Variants in PIK3R4 observed in about 807,000 individuals in gnomAD.
The protein encoded by PIK3R4 is phosphoinositide 3-kinase regulatory subunit 4.
A neutral mutation model predicts 136.5 loss-of-function variants in PIK3R4; 46 were observed. The observed-to-expected ratio is 0.34, with a 90% confidence interval of 0.27 to 0.43. The LOEUF is 0.43. PIK3R4 is among the 20% of genes least tolerant of loss of function. The pLI is 1.00. For missense variants in PIK3R4, 1,331 were observed against 1,649.5 expected (o/e 0.81, Z 3.35); for synonymous variants, 557 against 566.7 (o/e 0.98, Z 0.24).
At position 130,698,566 on chromosome 3, in the gene PIK3R4, T is replaced by A. The variant is rs182869682; in HGVS notation, c.3098+5157A>T. 1.6e-3 allele frequency among the ~76,000 whole-genome samples: 251 copies of A among 152,326 alleles called. 1 individual carries two copies. Among genetic ancestry groups the A allele is most frequent in the Non-Finnish European group, 3.0e-3 (205 of 68,022 alleles). On this transcript the variant is annotated intron_variant, in intron 13 of 19. Coordinates refer to ENST00000356763, the MANE Select transcript of PIK3R4 (RefSeq NM_014602.3). ...GATTTCTATCTCTTTATTGATATTG[T>A]CTATTTGGTTAGACACTGTTCTCAT...
intron 13 of PIK3R4, among the ~76,000 whole-genome samples, chr3:130,696,144 C>T (rs1006357097): frequency 3.9e-5 from 6 of 151,920 alleles, no homozygotes; most frequent in Admixed American, 1.3e-4. Flanking sequence ...CCTTCAATTC[C>T]TGTTTTTAGT....
intron 6 of PIK3R4, among the ~76,000 whole-genome samples, chr3:130,725,044 A>C (rs2107616237): frequency 6.6e-6 from 1 of 152,150 alleles, no homozygotes; most frequent in African/African-American, 2.4e-5. Context: ...ATGATTAAAA[A>C]ATTATGTTAT....
intron 9 of PIK3R4, among the ~76,000 whole-genome samples, chr3:130,715,013 G>A (rs946444102): frequency 2.6e-5 from 4 of 151,948 alleles, no homozygotes; most frequent in African/African-American, 9.7e-5. Flanking sequence ...GACCCTTGAG[G>A]AATCACCATA....
intron 18 of PIK3R4, 65 bp from the exon 19 acceptor site, chr3:130,680,786 G>A: frequency 9.7e-7 from 1 of 1,026,690 alleles, no homozygotes; most frequent in African/African-American, 1.6e-5. Flanking sequence ...ATAATCATTG[G>A]CTTATCTTCA....
chr3:130,725,591 A>G (rs2066726869), intron 6 of PIK3R4, among the ~76,000 whole-genome samples: 1 of 151,904 alleles, frequency 6.6e-6, no homozygotes, highest in African/African-American at 2.4e-5. Flanking sequence ...AGTAGAAAAA[A>G]AAAAATCACA....
intron 19 of PIK3R4, 86 bp from the exon 20 acceptor site, chr3:130,679,571 A>C (rs2066442282): frequency 1.1e-6 from 1 of 876,274 alleles, no homozygotes; most frequent in African/African-American, 1.7e-5. Context: ...CTTCTGAGAT[A>C]CTGTTGTTGT....
intron 13 of PIK3R4, among the ~76,000 whole-genome samples, chr3:130,697,854 G>A (rs920133681): frequency 1.3e-5 from 2 of 152,094 alleles, no homozygotes; most frequent in African/African-American, 4.8e-5. Flanking sequence ...TGAAGTTACT[G>A]TATCATATTC....
At chr3:130,719,525 A>C (rs1158291941) in intron 7 of PIK3R4, among the ~76,000 whole-genome samples, 2 of 152,206 alleles carry the variant, frequency 1.3e-5, no homozygotes, top group African/African-American at 4.8e-5. Flanking sequence ...TAAATGAAGA[A>C]GATTTTGTTT....
intron 13 of PIK3R4, among the ~76,000 whole-genome samples, chr3:130,693,497 G>C (rs1430879174): frequency 6.6e-6 from 1 of 152,132 alleles, no homozygotes; most frequent in Non-Finnish European, 1.5e-5. Context: ...ATTGTAGTGG[G>C]TGTGAAGGAG....
intron 9 of PIK3R4, among the ~76,000 whole-genome samples, chr3:130,712,688 G>T (rs1314214133): frequency 6.6e-6 from 1 of 150,804 alleles, no homozygotes; most frequent in East Asian, 1.9e-4. Context: ...AAAAAAAAAA[G>T]AAACAAGGAC....
chr3:130,723,780 C>A, intron 6 of PIK3R4, 193 bp from the exon 7 acceptor site: 1 of 473,716 alleles, frequency 2.1e-6, no homozygotes, highest in Non-Finnish European at 3.7e-6. Context: ...TTCTCGGACA[C>A]CACAGAAAAG....
chr3:130,683,676 A>C (rs932636974), intron 16 of PIK3R4, among the ~76,000 whole-genome samples: 1 of 152,148 alleles, frequency 6.6e-6, no homozygotes, highest in African/African-American at 2.4e-5. Flanking sequence ...ACCTAAGAAT[A>C]ATAAGAGCTA....
At position 130,703,715 on chromosome 3, in the gene PIK3R4, T is replaced by C; in HGVS notation, c.3098+8A>G. 6.3e-7 allele frequency: 1 copy of C among 1,596,826 alleles called. No individual in the cohort carries two copies. Among genetic ancestry groups the C allele is most frequent in the Non-Finnish European group, 8.6e-7 (1 of 1,165,004 alleles). On this transcript the variant is annotated splice_region_variant and intron_variant, in intron 13 of 19. Transcript: ENST00000356763. The stretch of plus-strand genomic sequence containing the variant: ...TAATGAACTGATTCATTCCTGAGCA[T>C]ATGGTACCTGGTAGTGGTGGTCTTC...
intron 13 of PIK3R4, 99 bp downstream of exon 13, chr3:130,703,624 A>G (rs1016234808): frequency 1.2e-6 from 1 of 828,710 alleles, no homozygotes; most frequent in South Asian, 1.8e-5. Context: ...TTGTTGCTGT[A>G]TGCCTGGTAC....
intron 2 of PIK3R4, among the ~76,000 whole-genome samples, chr3:130,740,629 A>C (rs2066816978): frequency 6.6e-6 from 1 of 152,008 alleles, no homozygotes; most frequent in African/African-American, 2.4e-5. Flanking sequence ...AATCCCAGCT[A>C]CTCAGGAGGC....
intron 2 of PIK3R4, among the ~76,000 whole-genome samples, chr3:130,738,970 A>G (rs181080216): frequency 1.3e-5 from 2 of 152,406 alleles, no homozygotes; most frequent in East Asian, 1.9e-4. Flanking sequence ...TGCAACCATC[A>G]TAACAAAAAT....
Position 130,745,261 on chromosome 3 carries a change from A to C in PIK3R4, c.-43T>G. On this transcript the variant is annotated 5_prime_UTR_variant, in exon 2 of 20. Transcript: ENST00000356763. ...TGGTCTTTAGTAAGGTTAGGATATA[A>C]TACCTGTTTAAAATAAAAACAAATG... 1 of 1,510,570 alleles carries C rather than the reference A, an allele frequency of 6.6e-7. No individual in the cohort carries two copies. The highest frequency in any genetic ancestry group is 8.8e-7 in the Non-Finnish European group (1 of 1,135,188). 93.6% of individuals were successfully genotyped at this position (1,510,570 alleles called of 1,614,324 possible).
chr3:130,684,109 G>GT, intron 16 of PIK3R4, 141 bp downstream of exon 16: 1 of 684,650 alleles, frequency 1.5e-6, no homozygotes, highest in Non-Finnish European at 2.5e-6. Flanking sequence ...GGTATCAATA[G>GT]TGGCAACCTC....
At chr3:130,738,641 T>C (rs1414660833) in intron 2 of PIK3R4, among the ~76,000 whole-genome samples, 1 of 150,242 alleles carries the variant, frequency 6.7e-6, no homozygotes, top group African/African-American at 2.5e-5. Flanking sequence ...GTTTGAGCAC[T>C]AAGGCAGGGT....
Sources: gnomAD v4.1 joint callset for allele counts (sites outside exome capture counted in the v4.1 genomes callset) on GRCh38, gnomAD v4.1.1 for gene constraint, MANE v1.5 for transcripts, NCBI Gene and HGNC (gene_info 2026-07-23, HGNC 2026-07-21) for gene names.